Variants in NRXN1 observed in about 807,000 individuals in gnomAD.
NRXN1 encodes neurexin 1, also known as neurexin-1.
A neutral mutation model predicts 150.9 loss-of-function variants in NRXN1; 39 were observed. The observed-to-expected ratio is 0.26, with a 90% confidence interval of 0.20 to 0.34. The LOEUF is 0.34. NRXN1 is among the 10% of genes least tolerant of loss of function. The pLI, the probability that NRXN1 is intolerant of heterozygous loss-of-function variation, is 1.00. For missense variants in NRXN1, 1,815 were observed against 1,949.9 expected (o/e 0.93, Z 1.30); for synonymous variants, 924 against 757.0 (o/e 1.22, Z -3.62).
chr2:50,390,088 C>T (rs1051539189), intron 17 of NRXN1, among the ~76,000 whole-genome samples: 1 of 152,006 alleles, frequency 6.6e-6, no homozygotes, highest in African/African-American at 2.4e-5. Context: ...AGTATCAAAC[C>T]ATAAGTATGC....
intron 5 of NRXN1, among the ~76,000 whole-genome samples, chr2:50,850,231 G>GA (rs539460509): frequency 0.019 from 1,375 of 72,756 alleles, 18 homozygotes; most frequent in East Asian, 0.083. Flanking sequence ...TGTCTCGACA[G>GA]AAAAAAAAAA....
intron 18 of NRXN1, among the ~76,000 whole-genome samples, chr2:50,196,116 C>T (rs1386982086): frequency 6.6e-6 from 1 of 151,982 alleles, no homozygotes; most frequent in African/African-American, 2.4e-5. Context: ...TCCTGATGGT[C>T]TCCCTACCCC....
intron 21 of NRXN1, among the ~76,000 whole-genome samples, chr2:49,946,463 G>C (rs1201647757): frequency 6.6e-6 from 1 of 152,026 alleles, no homozygotes; most frequent in Non-Finnish European, 1.5e-5. Flanking sequence ...GCCCATGCCT[G>C]TGTCCTAAAT....
intron 5 of NRXN1, among the ~76,000 whole-genome samples, chr2:50,721,392 T>C (rs1696636707): frequency 6.6e-6 from 1 of 152,210 alleles, no homozygotes. Context: ...AAGCATGTAT[T>C]TCAGAGATAA....
chr2:50,533,170 AG>A (rs1217284075), intron 10 of NRXN1, among the ~76,000 whole-genome samples: 1 of 152,120 alleles, frequency 6.6e-6, no homozygotes, highest in Non-Finnish European at 1.5e-5. Flanking sequence ...CTCCCTGCTT[AG>A]GTTAGCTCCC....
chr2:50,306,644 C>A (rs533798034), intron 17 of NRXN1, among the ~76,000 whole-genome samples: 1 of 152,296 alleles, frequency 6.6e-6, no homozygotes, highest in South Asian at 2.1e-4. Flanking sequence ...TTATATAAAT[C>A]AAGTCACTGA....
intron 18 of NRXN1, among the ~76,000 whole-genome samples, chr2:50,131,028 T>TC (rs1324959019): frequency 6.6e-6 from 1 of 152,224 alleles, no homozygotes; most frequent in Admixed American, 6.5e-5. Context: ...AAAAGCTTAT[T>TC]CCTTCTTGAA....
rs72884060 is a variant in NRXN1, at chr2:50,582,094, A to T, written c.1321-29069T>A. ...TCGCACCAATTTAGTTTTGTTAATAACCGGGAAGATTTGGTTGATCTTCAG... is the reference window on the plus strand; with the variant it reads ...TCGCACCAATTTAGTTTTGTTAATATCCGGGAAGATTTGGTTGATCTTCAG... On this transcript the variant is annotated intron_variant, in intron 8 of 22. Coordinates refer to ENST00000401669, the MANE Select transcript of NRXN1 (RefSeq NM_001330078.2). Among the ~76,000 whole-genome samples, 359 of 152,264 alleles carry T rather than the reference A, an allele frequency of 2.4e-3. 3 individuals are homozygous for T. The highest frequency in any genetic ancestry group is 8.3e-3 in the African/African-American group (346 of 41,538).
At chr2:50,444,244 C>T (rs1379796657) in intron 17 of NRXN1, among the ~76,000 whole-genome samples, 1 of 152,022 alleles carries the variant, frequency 6.6e-6, no homozygotes, top group Admixed American at 6.6e-5. Context: ...TTCTCTGTCA[C>T]AGGAAAAAAT....
At chr2:50,938,932 C>A (rs879388754) in intron 2 of NRXN1, among the ~76,000 whole-genome samples, 1 of 152,068 alleles carries the variant, frequency 6.6e-6, no homozygotes, top group Non-Finnish European at 1.5e-5. Context: ...AATGTAGGGG[C>A]TGAGCGCGGT....
At chr2:50,671,003 T>C (rs907935682) in intron 5 of NRXN1, among the ~76,000 whole-genome samples, 2 of 151,920 alleles carry the variant, frequency 1.3e-5, no homozygotes, top group Non-Finnish European at 2.9e-5. Context: ...TTTAAGATTA[T>C]GTAAATATCT....
At chr2:50,205,618 G>C (rs598474) in intron 18 of NRXN1, among the ~76,000 whole-genome samples, 1 of 151,764 alleles carries the variant, frequency 6.6e-6, no homozygotes, top group African/African-American at 2.4e-5. Flanking sequence ...TGGACATCAA[G>C]CAGCTAAGCA....
At chr2:49,969,204 T>G (rs1456368802) in intron 21 of NRXN1, among the ~76,000 whole-genome samples, 6 of 152,102 alleles carry the variant, frequency 3.9e-5, no homozygotes, top group African/African-American at 7.2e-5. Flanking sequence ...ACACACATTT[T>G]ATACAAATGT....
At chr2:50,450,166 G>A (rs1001471424) in intron 17 of NRXN1, among the ~76,000 whole-genome samples, 1 of 152,138 alleles carries the variant, frequency 6.6e-6, no homozygotes, top group African/African-American at 2.4e-5. Context: ...TTTGCTCACA[G>A]TATCTCCCTT....
At chr2:50,966,165 G>A (rs1455292813) in intron 2 of NRXN1, among the ~76,000 whole-genome samples, 4 of 151,216 alleles carry the variant, frequency 2.6e-5, no homozygotes, top group Admixed American at 6.6e-5. Flanking sequence ...AAAGTAAGAC[G>A]ACTTTCCAAA....
At chr2:50,504,759 C>G (rs756248187) in intron 13 of NRXN1, among the ~76,000 whole-genome samples, 5 of 152,048 alleles carry the variant, frequency 3.3e-5, no homozygotes, top group African/African-American at 1.2e-4. Flanking sequence ...TGAAAGTCTA[C>G]GAAATATAAA....
chr2:50,419,651 TG>T (rs2083816035), intron 17 of NRXN1, among the ~76,000 whole-genome samples: 1 of 151,926 alleles, frequency 6.6e-6, no homozygotes, highest in Non-Finnish European at 1.5e-5. Context: ...AGTAGGCAGG[TG>T]GGTGTATCTT....
At chr2:50,610,483 G>A (rs1156546333) in intron 8 of NRXN1, among the ~76,000 whole-genome samples, 2 of 150,540 alleles carry the variant, frequency 1.3e-5, no homozygotes, top group African/African-American at 4.9e-5. Context: ...AGCTTCCATT[G>A]TATTATTAGA....
At chr2:50,502,664 T>G (rs1284329335) in intron 13 of NRXN1, among the ~76,000 whole-genome samples, 1 of 152,094 alleles carries the variant, frequency 6.6e-6, no homozygotes, top group East Asian at 1.9e-4. Flanking sequence ...CATATGAAAG[T>G]ATGGAATGGG....
Sources: gnomAD v4.1 joint callset for allele counts (sites outside exome capture counted in the v4.1 genomes callset) on GRCh38, gnomAD v4.1.1 for gene constraint, MANE v1.5 for transcripts, NCBI Gene and HGNC (gene_info 2026-07-23, HGNC 2026-07-21) for gene names.